Variants in ARFGEF2 observed in about 807,000 individuals in gnomAD.
ARFGEF2 encodes the protein brefeldin A-inhibited guanine nucleotide-exchange protein 2.
ARFGEF2 carries 74 observed loss-of-function variants against 219.9 expected under a neutral mutation model. The ratio of observed to expected loss-of-function variants is 0.34; its 90% CI spans 0.28 to 0.41. ARFGEF2 has a LOEUF of 0.41. Among genes scored for constraint, ARFGEF2 ranks in the 10% least tolerant of loss-of-function variants. The probability of loss-of-function intolerance (pLI) is 1.00; values close to 1 mark genes in which losing one functional copy is unlikely to be tolerated. For synonymous variants in ARFGEF2, 733 were observed against 799.2 expected (o/e 0.92, Z 1.40); for missense variants, 1,743 against 2,218.3 (o/e 0.79, Z 4.30).
rs997648949 is a variant in ARFGEF2, at chr20:48,998,567, CA to C, written c.3432+69del. On this transcript the variant is annotated intron_variant, in intron 25 of 38. Transcript: ENST00000371917. The stretch of plus-strand genomic sequence containing the variant: ...AAAAAAAAAAGTAGACAACTGAATT[CA>C]AAAAAAGAAGTGATAAATAATTTGC... 40 of 1,543,332 alleles carry C rather than the reference CA, an allele frequency of 2.6e-5. No homozygotes were observed. The African/African-American group carries it at 4.4e-4, about 17-fold the overall frequency.
chr20:48,935,320 ATC>A (rs1294524078), intron 1 of ARFGEF2, among the ~76,000 whole-genome samples: 1 of 152,168 alleles, frequency 6.6e-6, no homozygotes, highest in African/African-American at 2.4e-5. Flanking sequence ...GCCTTCAAGC[ATC>A]TGTTTAACAA....
At chr20:48,953,842 C>G (rs569846581) in intron 6 of ARFGEF2, 52 bp downstream of exon 6, 1 of 1,523,060 alleles carries the variant, frequency 6.6e-7, no homozygotes, top group African/African-American at 1.4e-5. Flanking sequence ...GGGAATCAGC[C>G]TGTGAGGGGC....
chr20:48,940,386 TATC>T (rs1378922915), intron 1 of ARFGEF2, among the ~76,000 whole-genome samples: 10 of 152,242 alleles, frequency 6.6e-5, no homozygotes, highest in Admixed American at 5.2e-4. Context: ...TATGTATGCT[TATC>T]ATAGAAAATG....
At position 49,025,330 on chromosome 20, in the gene ARFGEF2, A is replaced by G. The variant is rs1167539905; in HGVS notation, c.4773A>G (p.Ala1591=). 3 of 1,612,398 alleles carry G rather than the reference A, an allele frequency of 1.9e-6. No homozygotes were observed. In the Admixed American group the frequency reaches 5.0e-5, roughly 27 times the overall value. Reference sequence around the variant, plus strand: ...TCCTCTAGCAAGACACGCTGGATGCAGATATCCACATAGAGACGGAGGATC... The same window carrying G: ...TCCTCTAGCAAGACACGCTGGATGCGGATATCCACATAGAGACGGAGGATC... ...MVAAQQDTLD[A]DIHIETEDQG... is the part of the protein sequence containing the mutation. The change falls in exon 36 of 39, where the codon GCA becomes GCG. Residue 1591 remains alanine (A), a synonymous_variant. Transcript: ENST00000371917.
At chr20:48,980,491 A>G (rs1045000308) in intron 14 of ARFGEF2, among the ~76,000 whole-genome samples, 4 of 152,198 alleles carry the variant, frequency 2.6e-5, no homozygotes, top group Admixed American at 2.0e-4. Context: ...GTAGATGTCT[A>G]TTAGGTCCAC....
chr20:48,981,066 T>G (rs1246867998), intron 14 of ARFGEF2, among the ~76,000 whole-genome samples: 1 of 152,250 alleles, frequency 6.6e-6, no homozygotes, highest in Non-Finnish European at 1.5e-5. Context: ...ATGCAGTTTC[T>G]TCCTAGCATC....
intron 7 of ARFGEF2, among the ~76,000 whole-genome samples, chr20:48,965,005 A>G (rs1182624141): frequency 6.6e-6 from 1 of 152,240 alleles, no homozygotes; most frequent in East Asian, 1.9e-4. Context: ...AAGATTTGAA[A>G]GCCACTTTTC....
chr20:49,036,242 T>C lies in ARFGEF2; in HGVS notation c.*3043T>C. The C allele has an allele frequency of 5.0e-6, 2 of 398,350 alleles. No individual in the cohort carries two copies. Among genetic ancestry groups the C allele is most frequent in the Non-Finnish European group, 8.9e-6 (2 of 225,942 alleles). 24.7% of individuals were successfully genotyped at this position (398,350 alleles called of 1,614,324 possible). ...TGAACTCACATGGAATCCTGGAGTT[T>C]TGTTATCAGCAGCTTTGCAGTTTGG... is the stretch of plus-strand genomic sequence containing the variant. On this transcript the variant is annotated 3_prime_UTR_variant, in exon 39 of 39. Transcript: ENST00000371917.
chr20:48,964,269 G>C (rs1446439413), intron 7 of ARFGEF2, among the ~76,000 whole-genome samples: 4 of 152,218 alleles, frequency 2.6e-5, no homozygotes, highest in Non-Finnish European at 4.4e-5. Context: ...GCCGGGCGTG[G>C]TGGCGCACGC....
intron 3 of ARFGEF2, among the ~76,000 whole-genome samples, chr20:48,945,015 G>C (rs142017592): frequency 1.3e-5 from 2 of 152,228 alleles, no homozygotes; most frequent in African/African-American, 4.8e-5. Flanking sequence ...TTGGTTCCTG[G>C]TGAGGGTACA....
intron 34 of ARFGEF2, among the ~76,000 whole-genome samples, chr20:49,022,154 CAAAAAAAAA>C (rs58870256): frequency 1.4e-5 from 1 of 70,210 alleles, no homozygotes; most frequent in Admixed American, 1.6e-4. Flanking sequence ...GACTCCGTCT[CAAAAAAAAA>C]AAAAAAAAAA....
chr20:48,936,101 G>A (rs1444968831), intron 1 of ARFGEF2, among the ~76,000 whole-genome samples: 3 of 144,704 alleles, frequency 2.1e-5, no homozygotes, highest in East Asian at 4.2e-4. Context: ...CCTCCCGGAC[G>A]GGGCGGCTGG....
chr20:48,961,113 T>TAATAATAATA (rs2091147699), intron 6 of ARFGEF2, among the ~76,000 whole-genome samples: 1 of 111,516 alleles, frequency 9.0e-6, no homozygotes, highest in Non-Finnish European at 2.0e-5. Flanking sequence ...TAATAATAAT[T>TAATAATAATA]TTCTTTATTC....
chr20:49,013,545 A>C lies in ARFGEF2; in HGVS notation c.3919-19A>C, dbSNP rs1040392718. ...TTTGCATGCTTAGTTTACACCTGAG[A>C]TGTGATTTTTCATCCTAGGTGCTAC... is the stretch of plus-strand genomic sequence containing the variant. On this transcript the variant is annotated intron_variant, in intron 28 of 38. Coordinates refer to ENST00000371917, the MANE Select transcript of ARFGEF2 (RefSeq NM_006420.3). The C allele has an allele frequency of 1.5e-5, 25 of 1,613,894 alleles. No homozygotes were observed. The African/African-American group carries it at 3.1e-4, about 20-fold the overall frequency.
rs187765254 is a variant in ARFGEF2, at chr20:49,019,030, G to A, written c.4624+32G>A. 1.3e-3 allele frequency: 1,925 copies of A among 1,539,754 alleles called. 6 individuals are homozygous for A. Among genetic ancestry groups the A allele is most frequent in the Non-Finnish European group, 1.2e-3 (1,393 of 1,117,238 alleles). On this transcript the variant is annotated intron_variant, in intron 34 of 38. Coordinates refer to ENST00000371917, the MANE Select transcript of ARFGEF2 (RefSeq NM_006420.3). ...CCACTTTTTAATTTGTTTTAAATAA[G>A]TAACATGTTTATGTGATTCATATAT...
At chr20:48,973,874 T>C (rs2091243937) in intron 12 of ARFGEF2, among the ~76,000 whole-genome samples, 1 of 152,238 alleles carries the variant, frequency 6.6e-6, no homozygotes, top group Non-Finnish European at 1.5e-5. Flanking sequence ...CTGTTTTGAA[T>C]CTAAAATATT....
chr20:48,959,449 T>TTCCCTCCC (rs2091127302), intron 6 of ARFGEF2, among the ~76,000 whole-genome samples: 1 of 64,168 alleles, frequency 1.6e-5, no homozygotes, highest in Non-Finnish European at 3.1e-5. Flanking sequence ...CCGTCCCTCC[T>TTCCCTCCC]TCCCTCCCTC....
At chr20:49,011,815 T>C (rs2091500110) in intron 27 of ARFGEF2, 109 bp from the exon 28 acceptor site, 1 of 1,268,588 alleles carries the variant, frequency 7.9e-7, no homozygotes, top group East Asian at 2.3e-5. Flanking sequence ...TTTTCACAGT[T>C]AATTATCTCT....
chr20:48,932,893 A>G (rs894421153), intron 1 of ARFGEF2, among the ~76,000 whole-genome samples: 1 of 152,108 alleles, frequency 6.6e-6, no homozygotes, highest in Non-Finnish European at 1.5e-5. Flanking sequence ...CTGTGGGGGA[A>G]GCCTGCGACA....
Sources: gnomAD v4.1 joint callset for allele counts (sites outside exome capture counted in the v4.1 genomes callset) on GRCh38, gnomAD v4.1.1 for gene constraint, MANE v1.5 for transcripts, NCBI Gene and HGNC (gene_info 2026-07-23, HGNC 2026-07-21) for gene names.